The following CACNB2 variants were observed in gnomAD, a reference collection of about 807,000 sequenced individuals.
CACNB2 encodes calcium voltage-gated channel auxiliary subunit beta 2.
CACNB2 carries 42 observed loss-of-function variants against 73.3 expected under a neutral mutation model. The observed-to-expected ratio is 0.57, with a 90% CI of 0.45 to 0.74. The LOEUF (loss-of-function observed/expected upper bound fraction) is 0.74, where lower values mean the gene tolerates loss of function less well. Ranked by LOEUF, CACNB2 falls within the 30% of genes least tolerant of loss-of-function variation. The pLI, the probability that CACNB2 is intolerant of heterozygous loss-of-function variation, is 0.00. For missense variants in CACNB2, 940 were observed against 853.0 expected (o/e 1.10, Z -1.27); for synonymous variants, 348 against 310.3 (o/e 1.12, Z -1.28).
At chr10:18,336,927 TAA>T (rs1296452631) in intron 2 of CACNB2, among the ~76,000 whole-genome samples, 6 of 152,132 alleles carry the variant, frequency 3.9e-5, no homozygotes. Context: ...TGAAAAGTAC[TAA>T]ATTTTTTAAA....
At chr10:18,387,742 C>G (rs2043294162) in intron 2 of CACNB2, among the ~76,000 whole-genome samples, 1 of 151,624 alleles carries the variant, frequency 6.6e-6, no homozygotes, top group Admixed American at 6.6e-5. Context: ...GCATAGTCAC[C>G]GAGCCATTTC....
chr10:18,380,255 G>A (rs1241071375), intron 2 of CACNB2, among the ~76,000 whole-genome samples: 3 of 146,796 alleles, frequency 2.0e-5, no homozygotes, highest in African/African-American at 7.5e-5. Context: ...CCACCAAATG[G>A]CATTTTCATT....
chr10:18,471,777 A>T (rs2132757477), intron 3 of CACNB2, among the ~76,000 whole-genome samples: 2 of 152,346 alleles, frequency 1.3e-5, no homozygotes, highest in Admixed American at 1.3e-4. Context: ...GGGATCTTAA[A>T]AATGTCCTTT....
At chr10:18,385,672 T>C (rs1189632411) in intron 2 of CACNB2, among the ~76,000 whole-genome samples, 1 of 148,812 alleles carries the variant, frequency 6.7e-6, no homozygotes, top group Non-Finnish European at 1.5e-5. Context: ...TTTATTCAAA[T>C]GACAGCAAAA....
rs145725486 is a variant in CACNB2 at position 18,378,294 on chromosome 10, T to C, written c.214-23630T>C. Reference sequence around the variant, plus strand: ...CATTTTCATTCTGAATGAGTGTTAATTGGGTATTTTAGTGCTTGAAATTAT... The same window carrying C: ...CATTTTCATTCTGAATGAGTGTTAACTGGGTATTTTAGTGCTTGAAATTAT... On this transcript the variant is annotated intron_variant, in intron 2 of 13. Transcript: ENST00000324631. 7.3e-4 allele frequency among the ~76,000 whole-genome samples: 111 copies of C among 152,340 alleles called. 1 individual carries two copies. The Middle Eastern group carries it at 0.01, about 14-fold the overall frequency.
chr10:18,427,117 GGCT>G (rs900841967), intron 3 of CACNB2, among the ~76,000 whole-genome samples: 2 of 151,696 alleles, frequency 1.3e-5, no homozygotes, highest in Non-Finnish European at 2.9e-5. Flanking sequence ...CACCACGCCC[GGCT>G]AATTTTGTAT....
intron 2 of CACNB2, among the ~76,000 whole-genome samples, chr10:18,352,774 T>G (rs1277466322): frequency 6.6e-6 from 1 of 152,240 alleles, no homozygotes; most frequent in African/African-American, 2.4e-5. Context: ...ACATGTAATA[T>G]GTAGCACAAT....
At chr10:18,208,806 A>G (rs1288475930) in intron 2 of CACNB2, among the ~76,000 whole-genome samples, 1 of 148,588 alleles carries the variant, frequency 6.7e-6, no homozygotes, top group Non-Finnish European at 1.5e-5. Flanking sequence ...AGAAGGGCTG[A>G]GCGGTAGAAG....
At chr10:18,314,800 A>G (rs1244579259) in intron 2 of CACNB2, among the ~76,000 whole-genome samples, 1 of 152,220 alleles carries the variant, frequency 6.6e-6, no homozygotes, top group African/African-American at 2.4e-5. Context: ...CAGTAGCAAT[A>G]CCAGTGCACC....
At chr10:18,517,127 T>C (rs1020613350) in intron 7 of CACNB2, among the ~76,000 whole-genome samples, 7 of 152,214 alleles carry the variant, frequency 4.6e-5, no homozygotes, top group Non-Finnish European at 1.0e-4. Context: ...CATTCATATC[T>C]GCACATCAGT....
chr10:18,207,967 C>T lies in CACNB2; in HGVS notation c.213+56992C>T, dbSNP rs112168353. ...TAGAATTCTGCATAGTAGAAGTTGA[C>T]ATATGTATGCTTTGTATGTGCTGCT... is the stretch of plus-strand genomic sequence containing the variant. On this transcript the variant is annotated intron_variant, in intron 2 of 13. Transcript: ENST00000324631. Among the ~76,000 whole-genome samples, 265 of 152,296 alleles carry T rather than the reference C, an allele frequency of 1.7e-3. 3 individuals carry two copies. The highest frequency in any genetic ancestry group is 5.7e-3 in the African/African-American group (236 of 41,564).
At chr10:18,339,772 T>A (rs1365725361) in intron 2 of CACNB2, among the ~76,000 whole-genome samples, 3 of 152,176 alleles carry the variant, frequency 2.0e-5, no homozygotes, top group Admixed American at 6.5e-5. Flanking sequence ...TTCAGGTAAT[T>A]GTCATGTGCC....
At chr10:18,475,008 G>A (rs188936915) in intron 3 of CACNB2, among the ~76,000 whole-genome samples, 27 of 150,642 alleles carry the variant, frequency 1.8e-4, no homozygotes, top group Admixed American at 1.1e-3. Flanking sequence ...CCCTACTCAG[G>A]TTCTATAATT....
At chr10:18,514,878 G>A in intron 7 of CACNB2, 2 of 803,390 alleles carry the variant, frequency 2.5e-6, no homozygotes, top group Non-Finnish European at 4.3e-6. Context: ...TATTAAAGCA[G>A]TTATTAAATT....
chr10:18,172,939 T>TTTTTTTTTTTA (rs1554765028), intron 2 of CACNB2, among the ~76,000 whole-genome samples: 1 of 150,280 alleles, frequency 6.7e-6, no homozygotes, highest in African/African-American at 2.5e-5. Flanking sequence ...TTTTTTTTTT[T>TTTTTTTTTTTA]AAATGGAGTT....
chr10:18,470,506 A>G lies in CACNB2; in HGVS notation c.334-27849A>G, dbSNP rs1351215739. Among the ~76,000 whole-genome samples, 5 of 151,098 alleles carry G rather than the reference A, an allele frequency of 3.3e-5. No homozygotes were observed. In the South Asian group the frequency reaches 8.3e-4, roughly 25 times the overall value. Reference sequence around the variant, plus strand: ...TTACATATGATATACTGGATAGACTATGATATACTGTGTATATTATATATA... The same window carrying G: ...TTACATATGATATACTGGATAGACTGTGATATACTGTGTATATTATATATA... On this transcript the variant is annotated intron_variant, in intron 3 of 13. Transcript: ENST00000324631.
intron 2 of CACNB2, among the ~76,000 whole-genome samples, chr10:18,189,033 C>G (rs1465398715): frequency 6.6e-6 from 1 of 152,160 alleles, no homozygotes; most frequent in African/African-American, 2.4e-5. Flanking sequence ...GATCATATAG[C>G]TCACTGCAGC....
At chr10:18,167,763 TCTATC>T (rs1453823553) in intron 2 of CACNB2, among the ~76,000 whole-genome samples, 1 of 152,076 alleles carries the variant, frequency 6.6e-6, no homozygotes, top group Non-Finnish European at 1.5e-5. Context: ...GCTCATAATC[TCTATC>T]ATCACAAACA....
intron 2 of CACNB2, among the ~76,000 whole-genome samples, chr10:18,364,786 A>G (rs2042283298): frequency 6.6e-6 from 1 of 151,956 alleles, no homozygotes; most frequent in South Asian, 2.1e-4. Context: ...TTCATTCCCA[A>G]TCTTCCTCTT....
Sources: gnomAD v4.1 joint callset for allele counts (sites outside exome capture counted in the v4.1 genomes callset) on GRCh38, gnomAD v4.1.1 for gene constraint, MANE v1.5 for transcripts, NCBI Gene and HGNC (gene_info 2026-07-23, HGNC 2026-07-21) for gene names.